The following DISP1 variants were observed in gnomAD, a reference collection of about 807,000 sequenced individuals.
DISP1 encodes protein dispatched homolog 1.
Under a neutral mutation model 37.3 loss-of-function variants are expected in DISP1, and 30 were observed. The observed-to-expected ratio is 0.80, with a 90% CI of 0.60 to 1.09. The LOEUF is 1.09. DISP1 is among the 50% of genes least tolerant of loss of function. The probability of loss-of-function intolerance (pLI) is 0.00; values close to 1 mark genes in which losing one functional copy is unlikely to be tolerated. For synonymous variants in DISP1, 634 were observed against 690.2 expected (o/e 0.92, Z 1.28); for missense variants, 1,598 against 1,879.5 (o/e 0.85, Z 2.77).
chr1:222,872,626 T>G (rs2125348283), intron 1 of DISP1, among the ~76,000 whole-genome samples: 1 of 152,324 alleles, frequency 6.6e-6, no homozygotes, highest in South Asian at 2.1e-4. Flanking sequence ...TGATATCCCC[T>G]TTGTCATTTT....
chr1:222,928,055 G>A (rs1180784841), intron 1 of DISP1, among the ~76,000 whole-genome samples: 4 of 152,218 alleles, frequency 2.6e-5, no homozygotes, highest in Non-Finnish European at 4.4e-5. Flanking sequence ...TAGTAGCACT[G>A]TGTGTTAGAA....
chr1:222,869,852 A>G (rs1669424803), intron 1 of DISP1, among the ~76,000 whole-genome samples: 3 of 152,086 alleles, frequency 2.0e-5, no homozygotes, highest in Admixed American at 2.0e-4. Flanking sequence ...GGTTTGTTAC[A>G]TATGTATACA....
intron 1 of DISP1, among the ~76,000 whole-genome samples, chr1:222,892,039 G>A (rs1670973049): frequency 6.6e-6 from 1 of 152,106 alleles, no homozygotes; most frequent in Admixed American, 6.5e-5. Context: ...CTTACATAAA[G>A]ATACGTAAGA....
intron 3 of DISP1, among the ~76,000 whole-genome samples, chr1:222,966,925 G>C (rs1488230292): frequency 6.6e-6 from 1 of 152,082 alleles, no homozygotes; most frequent in Non-Finnish European, 1.5e-5. Context: ...CACTTGGAAG[G>C]CAGGGACAAT....
At chr1:222,881,476 A>G (rs866231520) in intron 1 of DISP1, among the ~76,000 whole-genome samples, 1 of 152,312 alleles carries the variant, frequency 6.6e-6, no homozygotes, top group Middle Eastern at 3.4e-3. Context: ...GATTACAGAC[A>G]TGAGCCACCG....
intron 3 of DISP1, among the ~76,000 whole-genome samples, chr1:222,958,665 AAG>A (rs1261199174): frequency 5.9e-5 from 9 of 152,192 alleles, no homozygotes; most frequent in Non-Finnish European, 1.3e-4. Flanking sequence ...TGGTTAAACT[AAG>A]AGATTCTGTT....
rs183695604 is a variant in DISP1 at position 222,825,645 on chromosome 1, C to T, written c.-159+10567C>T. ...CCTCCTGAGTAGCTGGGATTGCAGG[C>T]GCCCACCACCACACCTGGCTAATTT... On this transcript the variant is annotated intron_variant, in intron 1 of 8. Coordinates refer to ENST00000675850, the MANE Select transcript of DISP1 (RefSeq NM_001377229.1). Among the ~76,000 whole-genome samples the T allele has an allele frequency of 6.1e-3, 931 of 151,788 alleles. 8 individuals carry two copies. Among genetic ancestry groups the T allele is most frequent in the African/African-American group, 0.021 (877 of 41,370 alleles).
chr1:222,936,603 C>CATATATATGAGG (rs1673757670), intron 2 of DISP1, among the ~76,000 whole-genome samples: 3 of 13,746 alleles, frequency 2.2e-4, no homozygotes, highest in Non-Finnish European at 4.1e-4. Flanking sequence ...ATATATATCT[C>CATATATATGAGG]TCATATATAT....
chr1:222,991,758 T>C, intron 6 of DISP1, 111 bp downstream of exon 6: 1 of 1,250,272 alleles, frequency 8.0e-7, no homozygotes, highest in South Asian at 1.4e-5. Context: ...TGGCTCAAAA[T>C]CTTTGCCACT....
chr1:222,993,379 A>G lies in DISP1; in HGVS notation c.889+1269A>G, dbSNP rs1678841962. On this transcript the variant is annotated intron_variant, in intron 7 of 8. Coordinates refer to ENST00000675850, the MANE Select transcript of DISP1 (RefSeq NM_001377229.1). ...GGAATTGTGGATAGTATAATTTTTA[A>G]TTAAGTGAATATTAACATTAAAGCT... Among the ~76,000 whole-genome samples, 3 of 152,230 alleles carry G rather than the reference A, an allele frequency of 2.0e-5. No homozygotes were observed. In the South Asian group the frequency reaches 6.2e-4, roughly 31 times the overall value.
intron 1 of DISP1, among the ~76,000 whole-genome samples, chr1:222,923,545 A>G (rs1672923540): frequency 6.6e-6 from 1 of 152,192 alleles, no homozygotes; most frequent in Non-Finnish European, 1.5e-5. Flanking sequence ...AAAAGTTTGA[A>G]GTACAGGCAG....
intron 1 of DISP1, among the ~76,000 whole-genome samples, chr1:222,892,898 G>A (rs1671016544): frequency 6.6e-6 from 1 of 152,170 alleles, no homozygotes. Context: ...AGTTTTCTAT[G>A]TCTGGAATGT....
At chr1:222,999,413 T>G (rs2102781209) in intron 8 of DISP1, among the ~76,000 whole-genome samples, 1 of 152,326 alleles carries the variant, frequency 6.6e-6, no homozygotes, top group Non-Finnish European at 1.5e-5. Flanking sequence ...AAGACATACC[T>G]GTTTTCCAGT....
At chr1:222,878,817 T>G (rs1252097422) in intron 1 of DISP1, among the ~76,000 whole-genome samples, 1 of 152,166 alleles carries the variant, frequency 6.6e-6, no homozygotes, top group Non-Finnish European at 1.5e-5. Context: ...AATATTCATT[T>G]TAATTCTTAA....
chr1:222,836,631 T>C (rs1387981196), intron 1 of DISP1, among the ~76,000 whole-genome samples: 1 of 151,998 alleles, frequency 6.6e-6, no homozygotes, highest in Non-Finnish European at 1.5e-5. Flanking sequence ...TAGAATTAAA[T>C]ATCAAGGTCC....
rs1401799043 is a variant in DISP1 at position 223,004,531 on chromosome 1, C to T, written c.3134C>T (p.Ala1045Val). 1.9e-6 allele frequency: 3 copies of T among 1,614,230 alleles called. No individual in the cohort carries two copies. The highest frequency in any genetic ancestry group is 4.5e-5 in the East Asian group (2 of 44,892). Residue 1045 changes from alanine to valine, a missense_variant, in exon 9 of 9, where the codon GCC becomes GTC. Coordinates refer to ENST00000675850, the MANE Select transcript of DISP1 (RefSeq NM_001377229.1). This position sits in a 1 kb window ranked among gnomAD's most constrained non-coding sequence, Gnocchi z 4.9. ...TTGGAATCTGTCACCATTTCGGTTG[C>T]CGTCGGCTTGTCTGTAGACTTTGCC... is the stretch of plus-strand genomic sequence containing the variant. The part of the protein sequence containing the change: ...NVLESVTISV[A>V]VGLSVDFAVH...
chr1:222,976,045 A>G (rs1191483804), intron 3 of DISP1, among the ~76,000 whole-genome samples: 1 of 152,164 alleles, frequency 6.6e-6, no homozygotes, highest in African/African-American at 2.4e-5. Context: ...AAAAAACGCT[A>G]AAAACCTAAT....
chr1:222,874,272 G>C (rs1236507962), intron 1 of DISP1, among the ~76,000 whole-genome samples: 1 of 152,066 alleles, frequency 6.6e-6, no homozygotes, highest in East Asian at 1.9e-4. Context: ...CTCTTCTCGA[G>C]GAGTATCTTT....
chr1:222,917,910 A>G (rs1290193611), intron 1 of DISP1, among the ~76,000 whole-genome samples: 3 of 152,232 alleles, frequency 2.0e-5, no homozygotes, highest in African/African-American at 7.2e-5. Context: ...CTAAAGTGGG[A>G]AAATGTCATA....
Sources: allele counts gnomAD v4.1 joint callset (sites outside exome capture counted in the v4.1 genomes callset), GRCh38; gene constraint gnomAD v4.1.1; non-coding constraint Gnocchi (gnomAD v3.1); transcripts MANE v1.5; gene names NCBI Gene and HGNC (gene_info 2026-07-23, HGNC 2026-07-21).